The following PIK3C2B variants were observed in gnomAD, a reference collection of about 807,000 sequenced individuals.
The protein encoded by PIK3C2B is phosphatidylinositol 4-phosphate 3-kinase C2 domain-containing subunit beta.
A neutral mutation model predicts 184.3 loss-of-function variants in PIK3C2B; 83 were observed. That is an observed-to-expected ratio of 0.45 (90% CI 0.38 to 0.54). The LOEUF is 0.54. PIK3C2B is among the 20% of genes least tolerant of loss of function. PIK3C2B has a pLI of 0.00. For missense variants in PIK3C2B, 1,736 were observed against 2,113.5 expected (o/e 0.82, Z 3.50); for synonymous variants, 779 against 837.6 (o/e 0.93, Z 1.21).
chr1:204,433,744 AT>A lies in PIK3C2B; in HGVS notation c.3843+48del, dbSNP rs747132388. ...GCAAGACAGGGAAGTCTTAAAGATG[AT>A]GCCAGATAATAAGAAGAAGGTATTC... is the stretch of plus-strand genomic sequence containing the variant. On this transcript the variant is annotated intron_variant, in intron 25 of 32. Transcript: ENST00000684373. The surrounding 1 kb of genome is among the most constrained non-coding windows in gnomAD (Gnocchi z 5.0). The A allele has an allele frequency of 2.2e-5, 34 of 1,549,068 alleles. No individual in the cohort carries two copies. The highest frequency in any genetic ancestry group is 1.1e-4 in the South Asian group (10 of 89,534).
In PIK3C2B at chr1:204,449,950, G is replaced by T. The variant is rs1197650942; in HGVS notation, c.2134C>A (p.Leu712Met). 1 of 1,610,202 alleles carries T rather than the reference G, an allele frequency of 6.2e-7. No homozygotes were observed. Among genetic ancestry groups the T allele is most frequent in the Non-Finnish European group, 8.5e-7 (1 of 1,178,366 alleles). ...ETLLCATLYA[L>M]PIPPPGSSSE... ...GAGCTCCCCGGTGGGGGGATGGGCA[G>T]AGCATAGAGAGTGGCACACAGCAGT... The change falls in exon 13 of 33, where the codon CTG (leucine) becomes ATG (methionine). Residue 712 changes from leucine to methionine, a missense_variant. Physicochemically the swap from Leu to Met is conservative, Grantham distance 15. Coordinates refer to ENST00000684373, the MANE Select transcript of PIK3C2B (RefSeq NM_001377334.1).
chr1:204,440,201 G>A lies in PIK3C2B; in HGVS notation c.3370C>T (p.Arg1124Trp), dbSNP rs745700056. ...CCTACTCCCAACTGACCTCTGCCCC[G>A]GCCGGTGGAGAAGCAGCGGAAGATG... ...MVIFRCFSTG[R>W]GRGMVEMIPN... The change falls in exon 22 of 33, where the codon CGG (arginine) becomes TGG (tryptophan). Residue 1124 changes from arginine to tryptophan, a missense_variant. Arg to Trp is a moderately radical substitution (Grantham distance 101). Coordinates refer to ENST00000684373, the MANE Select transcript of PIK3C2B (RefSeq NM_001377334.1). 11 of 1,611,940 alleles carry A rather than the reference G, an allele frequency of 6.8e-6. No individual in the cohort carries two copies. Among genetic ancestry groups the A allele is most frequent in the South Asian group, 4.4e-5 (4 of 91,038 alleles).
chr1:204,435,801 G>A (rs1675311087), intron 23 of PIK3C2B: 2 of 152,114 alleles, frequency 1.3e-5, no homozygotes, highest in Non-Finnish European at 2.9e-5. Flanking sequence ...ACCTGATGAT[G>A]GATCCACCAG....
intron 1 of PIK3C2B, among the ~76,000 whole-genome samples, chr1:204,473,806 A>G (rs1213152707): frequency 6.6e-6 from 1 of 152,138 alleles, no homozygotes; most frequent in Non-Finnish European, 1.5e-5. Context: ...GCTGAGGCAC[A>G]ATCCTCTTCT....
intron 15 of PIK3C2B, among the ~76,000 whole-genome samples, chr1:204,446,716 A>G (rs1262331257): frequency 3.3e-5 from 5 of 152,124 alleles, no homozygotes; most frequent in Non-Finnish European, 1.5e-5. Flanking sequence ...GGTCTAATGA[A>G]GTGTAGTCGG....
intron 23 of PIK3C2B, among the ~76,000 whole-genome samples, chr1:204,437,878 G>T (rs1056753911): frequency 3.3e-5 from 5 of 152,198 alleles, no homozygotes; most frequent in African/African-American, 7.2e-5. Flanking sequence ...CAGCAAGAAG[G>T]TGGCTATAGA....
At chr1:204,444,940 A>G (rs933596428) in intron 16 of PIK3C2B, among the ~76,000 whole-genome samples, 3 of 152,232 alleles carry the variant, frequency 2.0e-5, no homozygotes, top group Middle Eastern at 3.2e-3. Context: ...GGCAGGTCAC[A>G]TGGATAGGTA....
rs1339541184 is a variant in PIK3C2B, at chr1:204,427,632, C to T, written c.4587+16G>A. The T allele has an allele frequency of 1.1e-5, 17 of 1,546,650 alleles. No homozygotes were observed. On this transcript the variant is annotated intron_variant, in intron 31 of 32. Transcript: ENST00000684373. ...CATTAAAAAAGAAAAAAAATCACGG[C>T]TGTGCAGGCACTTACCAAGCCCCGA...
chr1:204,435,182 C>T (rs190621090), intron 23 of PIK3C2B, among the ~76,000 whole-genome samples: 192 of 151,860 alleles, frequency 1.3e-3, no homozygotes, highest in African/African-American at 4.3e-3. Context: ...CAGCTTAACA[C>T]GTCTAGAGAG....
In PIK3C2B at chr1:204,425,736, C is replaced by T. The variant is rs976169819; in HGVS notation, c.4593G>A (p.Leu1531=). 5 of 1,612,864 alleles carry T rather than the reference C, an allele frequency of 3.1e-6. No individual in the cohort carries two copies. The African/African-American group carries it at 6.7e-5, about 22-fold the overall frequency. Residue 1531 remains leucine, a synonymous_variant, in exon 32 of 33, where the codon CTG becomes CTA. Coordinates refer to ENST00000684373, the MANE Select transcript of PIK3C2B (RefSeq NM_001377334.1). ...GGTCAGGGTCATTTCCATCCTGGAGCAGTTGCTACAATAGAATGAGAACCA... is the reference window on the plus strand; with the variant it reads ...GGTCAGGGTCATTTCCATCCTGGAGTAGTTGCTACAATAGAATGAGAACCA... The part of the protein sequence containing the change: ...IMVMHIRGLQ[L]LQDGNDPDPY...
intron 1 of PIK3C2B, among the ~76,000 whole-genome samples, chr1:204,473,592 A>G (rs1656465640): frequency 6.6e-6 from 1 of 152,232 alleles, no homozygotes; most frequent in African/African-American, 2.4e-5. Context: ...AATCCAGAGA[A>G]TGACTGTGTA....
chr1:204,481,837 A>G (rs959220213), intron 1 of PIK3C2B, among the ~76,000 whole-genome samples: 10 of 152,208 alleles, frequency 6.6e-5, no homozygotes, highest in African/African-American at 2.4e-4. Flanking sequence ...GGTGTAAAGA[A>G]GCCGTGGGGT....
At chr1:204,487,787 G>A (rs567121147) in intron 1 of PIK3C2B, among the ~76,000 whole-genome samples, 3 of 151,970 alleles carry the variant, frequency 2.0e-5, no homozygotes, top group Non-Finnish European at 2.9e-5. Context: ...TATCACAATC[G>A]ATTCATATTG....
chr1:204,432,888 T>C (rs376786147), intron 26 of PIK3C2B, among the ~76,000 whole-genome samples: 1 of 152,198 alleles, frequency 6.6e-6, no homozygotes, highest in East Asian at 1.9e-4. Context: ...AAACACATCC[T>C]TGCTTTCACA....
At chr1:204,454,479 C>G (rs1041987338) in intron 12 of PIK3C2B, 190 bp downstream of exon 12, 2 of 502,882 alleles carry the variant, frequency 4.0e-6, no homozygotes. Context: ...GAGGCTGCCT[C>G]TCAAAAAAAA....
At chr1:204,463,790 G>C (rs369974901) in intron 5 of PIK3C2B, among the ~76,000 whole-genome samples, 1 of 137,790 alleles carries the variant, frequency 7.3e-6, no homozygotes, top group East Asian at 2.3e-4. Context: ...CCAGCTCCAA[G>C]CTCTTTCCAC....
chr1:204,482,763 C>CAA (rs1171247395), intron 1 of PIK3C2B, among the ~76,000 whole-genome samples: 2 of 139,444 alleles, frequency 1.4e-5, no homozygotes, highest in African/African-American at 5.3e-5. Context: ...CACTCTGTCT[C>CAA]AAAAAAAAAA....
intron 1 of PIK3C2B, among the ~76,000 whole-genome samples, chr1:204,482,119 G>A (rs200682635): frequency 8.2e-5 from 2 of 24,262 alleles, no homozygotes; most frequent in Admixed American, 4.7e-4. Context: ...CGGGGGGGGG[G>A]GGGGGGGTGC....
intron 1 of PIK3C2B, among the ~76,000 whole-genome samples, chr1:204,478,506 A>G (rs769091203): frequency 6.6e-6 from 1 of 152,220 alleles, no homozygotes; most frequent in Non-Finnish European, 1.5e-5. Flanking sequence ...ATACAGCTCT[A>G]TAAGCTTTTT....
Sources: allele counts gnomAD v4.1 joint callset (sites outside exome capture counted in the v4.1 genomes callset), GRCh38; gene constraint gnomAD v4.1.1; non-coding constraint Gnocchi (gnomAD v3.1); transcripts MANE v1.5; gene names NCBI Gene and HGNC (gene_info 2026-07-23, HGNC 2026-07-21).